AATK: variants seen among roughly 807,000 people sequenced by gnomAD.
AATK encodes the protein serine/threonine-protein kinase LMTK1.
A neutral mutation model predicts 114.3 loss-of-function variants in AATK; 91 were observed. The observed-to-expected ratio is 0.80, with a 90% CI of 0.67 to 0.95. The LOEUF is 0.95. AATK is among the 40% of genes least tolerant of loss of function. The pLI is 0.00. For missense variants in AATK, 2,176 were observed against 1,965.2 expected (o/e 1.11, Z -2.03); for synonymous variants, 1,075 against 916.5 (o/e 1.17, Z -3.12).
intron 1 of AATK, among the ~76,000 whole-genome samples, chr17:81,155,252 G>A (rs2061346566): frequency 6.6e-6 from 1 of 152,212 alleles, no homozygotes; most frequent in Non-Finnish European, 1.5e-5. Flanking sequence ...GGTTTCTGAC[G>A]GATCTTGTCA....
At position 81,126,870 on chromosome 17, in the gene AATK, G is replaced by C. The variant is rs1050065329; in HGVS notation, c.622-310C>G. The C allele has an allele frequency of 4.2e-6, 5 of 1,184,292 alleles. No homozygotes were observed. In the African/African-American group the frequency reaches 7.8e-5, roughly 18 times the overall value. The allele number at this position is 1,184,292 out of a possible 1,614,324, so 73.4% of individuals were successfully genotyped here. A position where few individuals can be genotyped will look rare whatever the true frequency, so the allele number is the denominator to read the frequency against. On this transcript the variant is annotated intron_variant, in intron 6 of 13. Coordinates refer to ENST00000326724, the MANE Select transcript of AATK (RefSeq NM_001080395.3). The surrounding 1 kb of genome is among the most constrained non-coding windows in gnomAD (Gnocchi z 5.1). The stretch of plus-strand genomic sequence containing the variant: ...CAAGTGGATCTGCTTGATGGAGTCT[G>C]GGGCTGGTGGTCGAGGGTTGGCCGG...
At chr17:81,118,963 C>G (rs998054475) in intron 13 of AATK, among the ~76,000 whole-genome samples, 12 of 152,144 alleles carry the variant, frequency 7.9e-5, no homozygotes, top group African/African-American at 2.7e-4. Flanking sequence ...GGGCCATGGC[C>G]GGGAGCGGTG....
chr17:81,126,103 C>T lies in AATK; in HGVS notation c.755+324G>A, dbSNP rs2146305659. 2 of 508,982 alleles carry T rather than the reference C, an allele frequency of 3.9e-6. 1 individual carries two copies. The highest frequency in any genetic ancestry group is 3.3e-5 in the South Asian group (2 of 60,864). The allele number at this position is 508,982 out of a possible 1,614,324, so 31.5% of individuals were successfully genotyped here. A position where few individuals can be genotyped will look rare whatever the true frequency, so the allele number is the denominator to read the frequency against. On this transcript the variant is annotated intron_variant, in intron 7 of 13. Coordinates refer to ENST00000326724, the MANE Select transcript of AATK (RefSeq NM_001080395.3). The surrounding 1 kb of genome is among the most constrained non-coding windows in gnomAD (Gnocchi z 5.1). ...CCTTCGAAGCAGGGTCTGTCTCCCT[C>T]AAGCCCCAAAGCGAGGGCTTAGCAG...
In AATK at chr17:81,126,030, G is replaced by A. The variant is rs543807669; in HGVS notation, c.755+397C>T. ...CCAGCATGTCCCCCCGGGGTCCCCA[G>A]GGGCTGGGCATCCTGGCCCAAGCAG... On this transcript the variant is annotated intron_variant, in intron 7 of 13. Coordinates refer to ENST00000326724, the MANE Select transcript of AATK (RefSeq NM_001080395.3). This position sits in a 1 kb window ranked among gnomAD's most constrained non-coding sequence, Gnocchi z 5.1. The A allele has an allele frequency of 2.0e-4, 97 of 481,230 alleles. 1 individual carries two copies. Among genetic ancestry groups the A allele is most frequent in the South Asian group, 1.1e-3 (68 of 64,568 alleles). 29.8% of individuals were successfully genotyped at this position (481,230 alleles called of 1,614,324 possible).
At position 81,121,261 on chromosome 17, in the gene AATK, G is replaced by A. The variant is rs376270051; in HGVS notation, c.2675C>T (p.Ser892Phe). 1.7e-5 allele frequency: 28 copies of A among 1,610,350 alleles called. No homozygotes were observed. Among genetic ancestry groups the A allele is most frequent in the Non-Finnish European group, 2.1e-5 (25 of 1,179,024 alleles). The change falls in exon 11 of 14, where the codon TCT (serine) becomes TTT (phenylalanine). Residue 892 changes from serine to phenylalanine, a missense_variant. Ser to Phe is a radical substitution (Grantham distance 155). Coordinates refer to ENST00000326724, the MANE Select transcript of AATK (RefSeq NM_001080395.3). ...RRPDVVPAFR[S>F]LQKQVGTPDS... is the part of the protein sequence containing the mutation. ...GGGGGTCCCCACCTGCTTCTGCAGA[G>A]AGCGGAAGGCTGGCACCACATCCGG...
rs2060830095 is a variant in AATK, at chr17:81,126,613, T to C, written c.622-53A>G. 4.6e-6 allele frequency: 7 copies of C among 1,511,536 alleles called. No individual in the cohort carries two copies. In the East Asian group the frequency reaches 1.7e-4, roughly 38 times the overall value. 93.6% of individuals were successfully genotyped at this position (1,511,536 alleles called of 1,614,324 possible). A position where few individuals can be genotyped will look rare whatever the true frequency, so the allele number is the denominator to read the frequency against. On this transcript the variant is annotated intron_variant, in intron 6 of 13. Coordinates refer to ENST00000326724, the MANE Select transcript of AATK (RefSeq NM_001080395.3). This position sits in a 1 kb window ranked among gnomAD's most constrained non-coding sequence, Gnocchi z 5.1. ...CCAGCAGGCTGGGGGCTGGCCACCC[T>C]GGGAGGTCCCCACCTACCTCCCCAA...
At chr17:81,145,234 CA>C (rs761538299) in intron 1 of AATK, among the ~76,000 whole-genome samples, 91 of 121,100 alleles carry the variant, frequency 7.5e-4, no homozygotes, top group Non-Finnish European at 9.4e-4. Context: ...GAGACTCCAT[CA>C]AAAAAAAAAA....
intron 4 of AATK, 48 bp downstream of exon 4, chr17:81,128,422 C>CCTT (rs1404442754): frequency 1.3e-6 from 2 of 1,545,858 alleles, no homozygotes; most frequent in Admixed American, 3.9e-5. Flanking sequence ...GCCCTGTGTC[C>CCTT]CTTCTGCCTC....
rs1047094996 is a variant in AATK at position 81,128,726 on chromosome 17, G to A, written c.335-177C>T. ...GAGCCAGGGTCTCTTGAGAGCAGGG[G>A]CCGCTGCTTCCCAGAAAAGCCACGG... is the stretch of plus-strand genomic sequence containing the variant. On this transcript the variant is annotated intron_variant, in intron 3 of 13. Coordinates refer to ENST00000326724, the MANE Select transcript of AATK (RefSeq NM_001080395.3). The A allele has an allele frequency of 7.0e-6, 10 of 1,418,748 alleles. No individual in the cohort carries two copies. The South Asian group carries it at 1.3e-4, about 19-fold the overall frequency. The allele number at this position is 1,418,748 out of a possible 1,614,324, so 87.9% of individuals were successfully genotyped here.
chr17:81,131,391 A>G (rs972215644), intron 2 of AATK, among the ~76,000 whole-genome samples, 186 bp from the exon 3 acceptor site: 3 of 152,100 alleles, frequency 2.0e-5, no homozygotes, highest in South Asian at 2.1e-4. Context: ...CTGCCCTTCC[A>G]TCTGTCTCCT....
chr17:81,124,490 C>T (rs1019209532), intron 9 of AATK, among the ~76,000 whole-genome samples: 3 of 152,338 alleles, frequency 2.0e-5, no homozygotes, highest in East Asian at 1.9e-4. Flanking sequence ...GAAGACGGGC[C>T]GTTGGCCCTG....
chr17:81,131,580 G>T (rs2060932670), intron 2 of AATK, among the ~76,000 whole-genome samples: 1 of 152,146 alleles, frequency 6.6e-6, no homozygotes, highest in Non-Finnish European at 1.5e-5. Context: ...CCCAGGCTGA[G>T]CCCCACCTTG....
At chr17:81,138,644 CA>C in intron 1 of AATK, among the ~76,000 whole-genome samples, 1 of 101,312 alleles carries the variant, frequency 9.9e-6, no homozygotes, top group East Asian at 9.5e-4. Flanking sequence ...TCCACACATC[CA>C]CACATACCCA....
chr17:81,133,031 C>T (rs1026966582), intron 2 of AATK, among the ~76,000 whole-genome samples: 2 of 152,188 alleles, frequency 1.3e-5, no homozygotes, highest in African/African-American at 2.4e-5. Context: ...GCTCTGGCCT[C>T]GGGATCCCCA....
chr17:81,119,638 C>A, intron 12 of AATK, 58 bp from the exon 13 acceptor site: 2 of 1,329,594 alleles, frequency 1.5e-6, no homozygotes, highest in Non-Finnish European at 1.0e-6. Context: ...GGCCCGGCCC[C>A]GCTCCCACAG....
chr17:81,133,391 G>A lies in AATK; in HGVS notation c.189+977C>T, dbSNP rs1333049192. 3 of 334,822 alleles carry A rather than the reference G, an allele frequency of 9.0e-6. No individual in the cohort carries two copies. In the Admixed American group the frequency reaches 1.2e-4, roughly 13 times the overall value. The allele number at this position is 334,822 out of a possible 1,614,324, so 20.7% of individuals were successfully genotyped here. ...GACTCTGGGACTGTCTCCCAAATGGGGGTGGCGCCAGCTGAGTCATGGGTC... is the reference window on the plus strand; with the variant it reads ...GACTCTGGGACTGTCTCCCAAATGGAGGTGGCGCCAGCTGAGTCATGGGTC... On this transcript the variant is annotated intron_variant, in intron 2 of 13. Coordinates refer to ENST00000326724, the MANE Select transcript of AATK (RefSeq NM_001080395.3).
intron 9 of AATK, 52 bp downstream of exon 9, chr17:81,124,675 G>A: frequency 6.3e-7 from 1 of 1,595,452 alleles, no homozygotes; most frequent in South Asian, 1.1e-5. Context: ...ACATGGGTGG[G>A]CAGGTGGCAC....
Position 81,124,866 on chromosome 17 carries a change from G to A in AATK, c.841-18C>T, listed in dbSNP as rs932628791. 6 of 1,595,426 alleles carry A rather than the reference G, an allele frequency of 3.8e-6. No individual in the cohort carries two copies. The highest frequency in any genetic ancestry group is 1.1e-5 in the South Asian group (1 of 88,952). On this transcript the variant is annotated intron_variant, in intron 8 of 13. Coordinates refer to ENST00000326724, the MANE Select transcript of AATK (RefSeq NM_001080395.3). ...TAGTCCTCCTGTTGGCACAGGGACG[G>A]GTCACCCCTGCCGGCGCAGGCCCTG...
At chr17:81,124,602 G>C in intron 9 of AATK, 125 bp downstream of exon 9, 1 of 1,472,358 alleles carries the variant, frequency 6.8e-7, no homozygotes. Flanking sequence ...TGGGCTGCTG[G>C]CGTGTGGCCA....
Sources: allele counts gnomAD v4.1 joint callset (sites outside exome capture counted in the v4.1 genomes callset), GRCh38; gene constraint gnomAD v4.1.1; non-coding constraint Gnocchi (gnomAD v3.1); transcripts MANE v1.5; gene names NCBI Gene and HGNC (gene_info 2026-07-23, HGNC 2026-07-21).